PIP5K1C: variants seen among roughly 807,000 people sequenced by gnomAD.
The protein encoded by PIP5K1C is phosphatidylinositol 4-phosphate 5-kinase type-1 gamma.
A neutral mutation model predicts 80.1 loss-of-function variants in PIP5K1C; 45 were observed. The observed-to-expected ratio is 0.56, with a 90% CI of 0.44 to 0.72. The LOEUF (loss-of-function observed/expected upper bound fraction) is 0.72, where lower values mean the gene tolerates loss of function less well. Among genes scored for constraint, PIP5K1C ranks in the 30% least tolerant of loss-of-function variants. PIP5K1C has a pLI of 0.00. For synonymous variants in PIP5K1C, 498 were observed against 420.1 expected (o/e 1.19, Z -2.27); for missense variants, 753 against 954.6 (o/e 0.79, Z 2.78).
chr19:3,695,166 T>TA (rs2036064045), intron 1 of PIP5K1C, among the ~76,000 whole-genome samples: 1 of 152,156 alleles, frequency 6.6e-6, no homozygotes, highest in Non-Finnish European at 1.5e-5. Flanking sequence ...GCAGTCCCGT[T>TA]AGCACCAGAA....
At position 3,700,279 on chromosome 19, in the gene PIP5K1C, G is replaced by T; in HGVS notation, c.94+18C>A. On this transcript the variant is annotated intron_variant, in intron 1 of 17. Transcript: ENST00000335312. Reference sequence around the variant, plus strand: ...GACGAGCCCAGCGGGCCGCAGCCCCGGGAGGCCGGGCCGTTACCTGCCGCC... The same window carrying T: ...GACGAGCCCAGCGGGCCGCAGCCCCTGGAGGCCGGGCCGTTACCTGCCGCC... The T allele has an allele frequency of 1.6e-6, 2 of 1,234,352 alleles. No individual in the cohort carries two copies. The highest frequency in any genetic ancestry group is 1.0e-6 in the Non-Finnish European group (1 of 970,896). 76.5% of individuals were successfully genotyped at this position (1,234,352 alleles called of 1,614,324 possible). A position where few individuals can be genotyped will look rare whatever the true frequency, so the allele number is the denominator to read the frequency against.
rs549490149 is a variant in PIP5K1C, at chr19:3,692,210, C to A, written c.94+8087G>T. On this transcript the variant is annotated intron_variant, in intron 1 of 17. Coordinates refer to ENST00000335312, the MANE Select transcript of PIP5K1C (RefSeq NM_012398.3). The surrounding 1 kb of genome is among the most constrained non-coding windows in gnomAD (Gnocchi z 5.2). ...GGCACGGAGCGGCTGGGCAACCGAA[C>A]CCAATCATCTCAGCTGTCCTCCTGC... 1.2e-4 allele frequency among the ~76,000 whole-genome samples: 19 copies of A among 152,300 alleles called. No individual in the cohort carries two copies. In the East Asian group the frequency reaches 3.7e-3, roughly 29 times the overall value.
At position 3,631,706 on chromosome 19, in the gene PIP5K1C, T is replaced by C. The variant is rs1252658990; in HGVS notation, c.*1461A>G. 3 of 152,306 alleles carry C rather than the reference T, an allele frequency of 2.0e-5. No individual in the cohort carries two copies. Among genetic ancestry groups the C allele is most frequent in the Admixed American group, 6.5e-5 (1 of 15,286 alleles). The allele number at this position is 152,306 out of a possible 1,614,324, so 9.4% of individuals were successfully genotyped here. On this transcript the variant is annotated 3_prime_UTR_variant, in exon 18 of 18. Coordinates refer to ENST00000335312, the MANE Select transcript of PIP5K1C (RefSeq NM_012398.3). The stretch of plus-strand genomic sequence containing the variant: ...CAGCAGGGGCCTTCCGGGCGCAGCG[T>C]GTGGGCTGTGCAGGAGGCCGACGGG...
chr19:3,640,309 T>G (rs2145389901), intron 15 of PIP5K1C, among the ~76,000 whole-genome samples: 1 of 151,896 alleles, frequency 6.6e-6, no homozygotes, highest in South Asian at 2.1e-4. Flanking sequence ...AGGTCAGGAG[T>G]TCGAGACCAG....
chr19:3,679,565 C>T (rs1272268937), intron 1 of PIP5K1C, among the ~76,000 whole-genome samples: 4 of 152,218 alleles, frequency 2.6e-5, no homozygotes, highest in African/African-American at 9.7e-5. Flanking sequence ...CTACTCGCTA[C>T]TCAGTAGGGG....
At chr19:3,666,218 G>T (rs939084991) in intron 2 of PIP5K1C, among the ~76,000 whole-genome samples, 1 of 152,208 alleles carries the variant, frequency 6.6e-6, no homozygotes, top group African/African-American at 2.4e-5. Flanking sequence ...AGGTGCCTTG[G>T]GGACTGCTCC....
Position 3,641,753 on chromosome 19 carries a change from T to G in PIP5K1C, c.1739A>C (p.Glu580Ala), listed in dbSNP as rs1210067938. The change falls in exon 15 of 18, where the codon GAG (glutamate) becomes GCG (alanine). Residue 580 changes from glutamate to alanine, a missense_variant. Transcript: ENST00000335312. ...CACAATCTCCACGCTGCACGCAGGC[T>G]CCACCTGCACTGTAATCTGCTGCAG... ...EDLQQITVQV[E>A]PACSVEIVVP... The G allele has an allele frequency of 6.2e-7, 1 of 1,611,750 alleles. No homozygotes were observed. Among genetic ancestry groups the G allele is most frequent in the South Asian group, 1.1e-5 (1 of 91,078 alleles).
At chr19:3,660,452 C>G (rs2034797144) in intron 5 of PIP5K1C, among the ~76,000 whole-genome samples, 1 of 152,032 alleles carries the variant, frequency 6.6e-6, no homozygotes, top group Non-Finnish European at 1.5e-5. Flanking sequence ...CTCCAAACAC[C>G]TCTTTTAGGA....
chr19:3,679,508 T>C (rs2035520033), intron 1 of PIP5K1C, among the ~76,000 whole-genome samples: 1 of 152,218 alleles, frequency 6.6e-6, no homozygotes, highest in Admixed American at 6.5e-5. Flanking sequence ...TGCTCCTTCC[T>C]GTGGGAGCAC....
chr19:3,661,155 T>G, intron 4 of PIP5K1C, 72 bp from the exon 5 acceptor site: 12 of 993,606 alleles, frequency 1.2e-5, no homozygotes, highest in Non-Finnish European at 1.9e-5. Context: ...CCATGGTCCC[T>G]CCTAGTGCCT....
chr19:3,678,138 T>G (rs1600064200), intron 1 of PIP5K1C, among the ~76,000 whole-genome samples: 1 of 77,882 alleles, frequency 1.3e-5, no homozygotes, highest in Non-Finnish European at 2.5e-5. Context: ...GATGGAGAGA[T>G]GGCAGGATAG....
intron 8 of PIP5K1C, chr19:3,650,131 G>A (rs1442904506): frequency 1.9e-5 from 3 of 155,092 alleles, no homozygotes; most frequent in South Asian, 3.8e-4. Flanking sequence ...TGCCATCCAT[G>A]GGAAATACCA....
In PIP5K1C at chr19:3,643,976, G is replaced by A. The variant is rs35178788; in HGVS notation, c.1510+111C>T. The A allele has an allele frequency of 0.43, 564,244 of 1,305,644 alleles. 130,969 individuals carry two copies. Among genetic ancestry groups the A allele is most frequent in the Non-Finnish European group, 0.49 (455,681 of 937,472 alleles). The allele number at this position is 1,305,644 out of a possible 1,614,324, so 80.9% of individuals were successfully genotyped here. On this transcript the variant is annotated intron_variant, in intron 12 of 17. Coordinates refer to ENST00000335312, the MANE Select transcript of PIP5K1C (RefSeq NM_012398.3). ...CTGGGCAGGCGGCCCTGCAGATCCGGAGGGGGTGGCTGAGCGATGGGCACT... is the reference window on the plus strand; with the variant it reads ...CTGGGCAGGCGGCCCTGCAGATCCGAAGGGGGTGGCTGAGCGATGGGCACT...
chr19:3,636,372 C>G (rs2145368175), intron 16 of PIP5K1C: 1 of 985,154 alleles, frequency 1.0e-6, no homozygotes, highest in Non-Finnish European at 1.2e-6. Flanking sequence ...AATGGCTGCC[C>G]TGCCTCCCTT....
At chr19:3,665,106 G>C (rs1252608718) in intron 2 of PIP5K1C, among the ~76,000 whole-genome samples, 192 bp from the exon 3 acceptor site, 1 of 152,192 alleles carries the variant, frequency 6.6e-6, no homozygotes, top group Non-Finnish European at 1.5e-5. Context: ...GGGCTGGCTG[G>C]GGCCCCTCAG....
chr19:3,675,834 T>G (rs2035339971), intron 1 of PIP5K1C, among the ~76,000 whole-genome samples: 1 of 152,190 alleles, frequency 6.6e-6, no homozygotes, highest in South Asian at 2.1e-4. Flanking sequence ...ACCCACTCCA[T>G]GCCAGGGGCA....
At chr19:3,687,802 C>T (rs1158819882) in intron 1 of PIP5K1C, among the ~76,000 whole-genome samples, 2 of 152,200 alleles carry the variant, frequency 1.3e-5, no homozygotes, top group African/African-American at 4.8e-5. Flanking sequence ...GTGCTCCCCG[C>T]AGGGCATAGA....
At position 3,633,027 on chromosome 19, in the gene PIP5K1C, C is replaced by T. The variant is rs1012369288; in HGVS notation, c.*140G>A. Reference sequence around the variant, plus strand: ...GGGGAGGGGCCCGGCCGTCGGCATCCGTGCAGGGGGAGGACGAGGTCCGGT... The same window carrying T: ...GGGGAGGGGCCCGGCCGTCGGCATCTGTGCAGGGGGAGGACGAGGTCCGGT... On this transcript the variant is annotated 3_prime_UTR_variant, in exon 18 of 18. Transcript: ENST00000335312. The T allele has an allele frequency of 2.4e-4, 135 of 565,504 alleles. No homozygotes were observed. The highest frequency in any genetic ancestry group is 2.5e-4 in the Non-Finnish European group (78 of 311,362). 35.0% of individuals were successfully genotyped at this position (565,504 alleles called of 1,614,324 possible).
intron 3 of PIP5K1C, among the ~76,000 whole-genome samples, chr19:3,664,181 C>T (rs761128575): frequency 2.0e-5 from 3 of 152,122 alleles, no homozygotes; most frequent in African/African-American, 7.2e-5. Context: ...GATCCACAGA[C>T]GCAGGAAAGG....
Sources: allele counts gnomAD v4.1 joint callset (sites outside exome capture counted in the v4.1 genomes callset), GRCh38; gene constraint gnomAD v4.1.1; non-coding constraint Gnocchi (gnomAD v3.1); transcripts MANE v1.5; gene names NCBI Gene and HGNC (gene_info 2026-07-23, HGNC 2026-07-21).